Variants in MLLT3 observed in about 807,000 individuals in gnomAD.
MLLT3 encodes MLLT3 super elongation complex subunit.
A neutral mutation model predicts 53.2 loss-of-function variants in MLLT3; 4 were observed. That is an observed-to-expected ratio of 0.08 (90% CI 0.04 to 0.17). MLLT3 has a LOEUF of 0.17. Among genes scored for constraint, MLLT3 ranks in the 10% least tolerant of loss-of-function variants. The probability of loss-of-function intolerance (pLI) is 1.00; values close to 1 mark genes in which losing one functional copy is unlikely to be tolerated. For missense variants in MLLT3, 569 were observed against 684.0 expected (o/e 0.83, Z 1.87); for synonymous variants, 283 against 230.6 (o/e 1.23, Z -2.06).
intron 2 of MLLT3, among the ~76,000 whole-genome samples, chr9:20,540,971 A>T (rs972303391): frequency 6.6e-6 from 1 of 152,170 alleles, no homozygotes; most frequent in Non-Finnish European, 1.5e-5. Context: ...TCCAAGTCAA[A>T]TCTTGAATGC....
chr9:20,353,540 T>C lies in MLLT3; in HGVS notation c.1560A>G (p.Arg520=). ...CATTTCTCACCTGCTGCAGAATGTG[T>C]CTTTCTCTCAATGTCATTAACCTTC... The part of the protein sequence containing the change: ...LHRRLMTLRE[R]HILQQIVNLI... Residue 520 remains arginine, a synonymous_variant, in exon 10 of 11, where the codon AGA becomes AGG. Coordinates refer to ENST00000380338, the MANE Select transcript of MLLT3 (RefSeq NM_004529.4). 6.2e-7 allele frequency: 1 copy of C among 1,614,064 alleles called. No homozygotes were observed. Among genetic ancestry groups the C allele is most frequent in the Non-Finnish European group, 8.5e-7 (1 of 1,179,868 alleles).
intron 2 of MLLT3, among the ~76,000 whole-genome samples, chr9:20,615,986 T>A (rs1367693248): frequency 6.6e-6 from 1 of 152,074 alleles, no homozygotes; most frequent in Non-Finnish European, 1.5e-5. Context: ...ATATAATAGG[T>A]TACTACCTTT....
chr9:20,454,589 G>A (rs986630216), intron 3 of MLLT3, among the ~76,000 whole-genome samples: 2 of 152,274 alleles, frequency 1.3e-5, no homozygotes, highest in Non-Finnish European at 2.9e-5. Flanking sequence ...GATCATAATT[G>A]CCTATTCTTT....
chr9:20,490,838 G>A (rs1824930986), intron 2 of MLLT3, among the ~76,000 whole-genome samples: 1 of 152,040 alleles, frequency 6.6e-6, no homozygotes. Context: ...GGAAACTAAG[G>A]AATAGAGAGT....
intron 2 of MLLT3, among the ~76,000 whole-genome samples, chr9:20,526,595 C>T (rs987065735): frequency 6.6e-6 from 1 of 152,130 alleles, no homozygotes; most frequent in Non-Finnish European, 1.5e-5. Flanking sequence ...CAATGATTGA[C>T]AGTTTTAAGC....
chr9:20,520,916 G>A (rs1449995793), intron 2 of MLLT3, among the ~76,000 whole-genome samples: 2 of 152,222 alleles, frequency 1.3e-5, no homozygotes, highest in Non-Finnish European at 1.5e-5. Context: ...AAGAGTGGGA[G>A]AAGCAGGACA....
At position 20,345,343 on chromosome 9, in the gene MLLT3, A is replaced by G. The variant is rs1470883488; in HGVS notation, c.*1100T>C. The G allele has an allele frequency of 4.7e-6, 1 of 211,604 alleles. No homozygotes were observed. Among genetic ancestry groups the G allele is most frequent in the East Asian group, 7.1e-5 (1 of 14,078 alleles). 13.1% of individuals were successfully genotyped at this position (211,604 alleles called of 1,614,324 possible). A position where few individuals can be genotyped will look rare whatever the true frequency, so the allele number is the denominator to read the frequency against. ...ATATAAAAGTGTCTAAGAGAATCAT[A>G]TGTGAACAAACAAAAATCTCTGATT... is the stretch of plus-strand genomic sequence containing the variant. On this transcript the variant is annotated 3_prime_UTR_variant, in exon 11 of 11. Transcript: ENST00000380338.
chr9:20,430,091 A>G (rs1028240876), intron 4 of MLLT3, among the ~76,000 whole-genome samples: 3 of 152,194 alleles, frequency 2.0e-5, no homozygotes, highest in African/African-American at 7.2e-5. Context: ...ACACATCAGG[A>G]ACAAACAGGA....
intron 2 of MLLT3, among the ~76,000 whole-genome samples, chr9:20,562,984 C>A (rs1400529893): frequency 1.3e-5 from 2 of 152,116 alleles, no homozygotes; most frequent in Non-Finnish European, 2.9e-5. Flanking sequence ...CACCTACCGT[C>A]CCCCATTCCC....
chr9:20,478,369 G>A (rs116400534), intron 2 of MLLT3, among the ~76,000 whole-genome samples: 2,215 of 152,200 alleles, frequency 0.015, 54 homozygotes, highest in African/African-American at 0.05. Flanking sequence ...GTTTAGCACT[G>A]TCCCTCAGTG....
chr9:20,449,812 T>C (rs965220744), intron 3 of MLLT3, among the ~76,000 whole-genome samples: 2 of 152,320 alleles, frequency 1.3e-5, no homozygotes, highest in Non-Finnish European at 2.9e-5. Context: ...GTTTTCCTCA[T>C]AGTTTACTGG....
At chr9:20,553,371 C>A (rs559173155) in intron 2 of MLLT3, among the ~76,000 whole-genome samples, 1 of 152,206 alleles carries the variant, frequency 6.6e-6, no homozygotes, top group South Asian at 2.1e-4. Flanking sequence ...CACATTTATT[C>A]GCAGATTCAA....
intron 4 of MLLT3, among the ~76,000 whole-genome samples, chr9:20,420,966 G>A (rs1240846213): frequency 6.6e-6 from 1 of 152,030 alleles, no homozygotes; most frequent in Non-Finnish European, 1.5e-5. Context: ...CCTACTCCAA[G>A]AAAATTAGAA....
intron 2 of MLLT3, among the ~76,000 whole-genome samples, chr9:20,525,612 C>A (rs897282052): frequency 6.6e-6 from 1 of 152,222 alleles, no homozygotes; most frequent in Non-Finnish European, 1.5e-5. Context: ...CCCCACTACA[C>A]ATGCTTCTTA....
intron 2 of MLLT3, among the ~76,000 whole-genome samples, chr9:20,494,324 A>AG (rs112287961): frequency 0.011 from 1,640 of 152,098 alleles, 37 homozygotes; most frequent in African/African-American, 0.037. Context: ...ACCATTCTTC[A>AG]GGGGAGAAGA....
At chr9:20,572,979 T>A (rs1267512530) in intron 2 of MLLT3, among the ~76,000 whole-genome samples, 1 of 152,192 alleles carries the variant, frequency 6.6e-6, no homozygotes, top group Non-Finnish European at 1.5e-5. Flanking sequence ...CAAAAAATTA[T>A]ACACTTGCAT....
chr9:20,396,143 T>C (rs1458754214), intron 5 of MLLT3, among the ~76,000 whole-genome samples: 2 of 148,854 alleles, frequency 1.3e-5, no homozygotes, highest in African/African-American at 2.5e-5. Context: ...ATGCCTACTA[T>C]AAACCATATT....
rs951579905 is a variant in MLLT3 at position 20,474,790 on chromosome 9, CT to C, written c.194-18005del. Among the ~76,000 whole-genome samples, 48 of 152,188 alleles carry C rather than the reference CT, an allele frequency of 3.2e-4. 1 individual carries two copies. The highest frequency in any genetic ancestry group is 1.1e-3 in the African/African-American group (46 of 41,542). On this transcript the variant is annotated intron_variant, in intron 2 of 10. Transcript: ENST00000380338. ...TTGAAGACAGCATCCACAGAAAGCACTTGAAAGAAACACACTCTTTTGCAAA... is the reference window on the plus strand; with the variant it reads ...TTGAAGACAGCATCCACAGAAAGCACTGAAAGAAACACACTCTTTTGCAAA...
chr9:20,480,270 C>T (rs144826783), intron 2 of MLLT3, among the ~76,000 whole-genome samples: 13 of 152,306 alleles, frequency 8.5e-5, no homozygotes, highest in African/African-American at 2.6e-4. Context: ...TTGGGGCTTC[C>T]TGAGCCTTTC....
Sources: allele counts gnomAD v4.1 joint callset (sites outside exome capture counted in the v4.1 genomes callset), GRCh38; gene constraint gnomAD v4.1.1; transcripts MANE v1.5; gene names NCBI Gene and HGNC (gene_info 2026-07-23, HGNC 2026-07-21).